Variants in C1orf87 observed in about 807,000 individuals in gnomAD.
C1orf87 encodes chromosome 1 open reading frame 87.
In C1orf87, 58 loss-of-function variants were observed where a neutral mutation model predicts 60.5. The observed-to-expected ratio is 0.96, with a 90% CI of 0.78 to 1.19. The LOEUF is 1.19. Ranked by LOEUF, C1orf87 falls within the 50% of genes most tolerant of loss-of-function variation. The pLI is 0.00. For missense variants in C1orf87, 673 were observed against 638.6 expected (o/e 1.05, Z -0.58); for synonymous variants, 236 against 227.4 (o/e 1.04, Z -0.34).
intron 2 of C1orf87, among the ~76,000 whole-genome samples, chr1:60,062,418 T>C (rs1167010563): frequency 6.6e-6 from 1 of 152,172 alleles, no homozygotes; most frequent in Non-Finnish European, 1.5e-5. Context: ...CCAAAGTACA[T>C]ATACTTTTAA....
intron 11 of C1orf87, among the ~76,000 whole-genome samples, chr1:59,994,917 C>T (rs986757740): frequency 1.3e-5 from 2 of 152,158 alleles, no homozygotes; most frequent in African/African-American, 4.8e-5. Context: ...GGTTAATAAA[C>T]CACCAAAGTG....
chr1:60,037,295 G>A (rs190437469), intron 6 of C1orf87, among the ~76,000 whole-genome samples: 1 of 152,198 alleles, frequency 6.6e-6, no homozygotes, highest in Non-Finnish European at 1.5e-5. Context: ...TGTGGGATTT[G>A]GTCACGAGGG....
chr1:60,007,626 G>A (rs189295597), intron 9 of C1orf87, among the ~76,000 whole-genome samples: 35 of 152,014 alleles, frequency 2.3e-4, no homozygotes, highest in African/African-American at 8.5e-4. Flanking sequence ...TGAATTCCAA[G>A]TAAGAGTCTT....
chr1:59,993,581 A>G (rs541306822), intron 11 of C1orf87, among the ~76,000 whole-genome samples: 1 of 152,216 alleles, frequency 6.6e-6, no homozygotes, highest in East Asian at 1.9e-4. Flanking sequence ...TACCATTGAT[A>G]GAAGATGCCT....
chr1:60,022,081 G>A (rs1388100658), intron 8 of C1orf87, among the ~76,000 whole-genome samples: 1 of 151,498 alleles, frequency 6.6e-6, no homozygotes, highest in African/African-American at 2.4e-5. Flanking sequence ...CCAAAGTGAT[G>A]GGGGAGCAAC....
At chr1:60,010,108 ATAC>A (rs754939018) in intron 9 of C1orf87, among the ~76,000 whole-genome samples, 7 of 151,956 alleles carry the variant, frequency 4.6e-5, no homozygotes, top group Admixed American at 6.6e-5. Flanking sequence ...CTGCTAAATA[ATAC>A]TAACTTCCAT....
intron 8 of C1orf87, among the ~76,000 whole-genome samples, chr1:60,018,412 G>A (rs1040280139): frequency 6.6e-6 from 1 of 152,210 alleles, no homozygotes; most frequent in African/African-American, 2.4e-5. Flanking sequence ...CAAAAACAGT[G>A]AGAAATTGAG....
Position 60,033,646 on chromosome 1 carries a change from T to A in C1orf87, c.864-5A>T. On this transcript the variant is annotated splice_polypyrimidine_tract_variant and splice_region_variant and intron_variant, in intron 6 of 11. Transcript: ENST00000371201. ...CTGGAGTGCTGAGGTGGAGTGCTGA[T>A]TGTAGGGGAAATGGGGAAGGCTATG... The A allele has an allele frequency of 1.2e-6, 2 of 1,609,038 alleles. No individual in the cohort carries two copies. The highest frequency in any genetic ancestry group is 1.7e-6 in the Non-Finnish European group (2 of 1,177,626).
intron 3 of C1orf87, among the ~76,000 whole-genome samples, chr1:60,051,009 G>A (rs989012532): frequency 1.3e-5 from 2 of 152,028 alleles, no homozygotes; most frequent in African/African-American, 4.8e-5. Flanking sequence ...ATCTAAGTTG[G>A]GACACTTATA....
Position 60,001,142 on chromosome 1 carries a change from T to C in C1orf87, c.1207A>G (p.Lys403Glu), listed in dbSNP as rs626251. The C allele has an allele frequency of 0.46, 730,696 of 1,572,722 alleles. 173,522 individuals carry two copies. The highest frequency in any genetic ancestry group is 0.63 in the East Asian group (27,608 of 43,526). ...GGCTCCATTGGAGGGGCAGGGGCTTTCTTTTCATTCTTCCCTGAACAAGAA... is the reference window on the plus strand; with the variant it reads ...GGCTCCATTGGAGGGGCAGGGGCTTCCTTTTCATTCTTCCCTGAACAAGAA... ...SDLPTGKNEK[K>E]APAPPMEPEV... The change falls in exon 10 of 12, where the codon AAA (lysine) becomes GAA (glutamate). Residue 403 changes from lysine to glutamate, a missense_variant. Coordinates refer to ENST00000371201, the MANE Select transcript of C1orf87 (RefSeq NM_152377.3).
intron 3 of C1orf87, 79 bp from the exon 4 acceptor site, chr1:60,041,210 G>T: frequency 7.8e-7 from 1 of 1,278,346 alleles, no homozygotes; most frequent in South Asian, 2.0e-5. Context: ...TGGAGAAAAT[G>T]AGTAAACCAA....
chr1:60,001,831 C>T (rs768168397), intron 9 of C1orf87, among the ~76,000 whole-genome samples: 2 of 152,236 alleles, frequency 1.3e-5, no homozygotes, highest in African/African-American at 4.8e-5. Context: ...GGTTGAACAG[C>T]CTCATCCCTA....
At chr1:60,045,202 A>T (rs1441856561) in intron 3 of C1orf87, among the ~76,000 whole-genome samples, 1 of 152,154 alleles carries the variant, frequency 6.6e-6, no homozygotes, top group Non-Finnish European at 1.5e-5. Context: ...ATTTAGACCA[A>T]GGTACTGGGG....
At chr1:60,014,725 T>TGTA (rs1645113532) in intron 8 of C1orf87, among the ~76,000 whole-genome samples, 1 of 152,172 alleles carries the variant, frequency 6.6e-6, no homozygotes, top group Admixed American at 6.6e-5. Context: ...CCTCCTGAAA[T>TGTA]GTATGTTCCA....
chr1:59,995,878 G>T (rs1644960176), intron 11 of C1orf87, among the ~76,000 whole-genome samples: 1 of 152,098 alleles, frequency 6.6e-6, no homozygotes, highest in Non-Finnish European at 1.5e-5. Flanking sequence ...TTGTTTACTG[G>T]CACTGAACTA....
In C1orf87 at chr1:59,996,809, G is replaced by A. The variant is rs184256379; in HGVS notation, c.1480+800C>T. Among the ~76,000 whole-genome samples the A allele has an allele frequency of 3.3e-5, 5 of 152,226 alleles. No individual in the cohort carries two copies. The East Asian group carries it at 7.7e-4, about 24-fold the overall frequency. On this transcript the variant is annotated intron_variant, in intron 11 of 11. Transcript: ENST00000371201. ...ATTTATCACCATCTATCTTGGATTT[G>A]GTTATTTACGCACACTGGCTCATGT...
At chr1:60,025,348 T>C (rs1645191618) in intron 8 of C1orf87, 53 bp downstream of exon 8, 1 of 1,369,452 alleles carries the variant, frequency 7.3e-7, no homozygotes, top group African/African-American at 1.4e-5. Context: ...CCATATCATT[T>C]GGGGAAGGGG....
intron 7 of C1orf87, among the ~76,000 whole-genome samples, chr1:60,026,369 T>C (rs1412382856): frequency 2.0e-5 from 3 of 152,152 alleles, no homozygotes; most frequent in South Asian, 2.1e-4. Context: ...TCTGTCAGGA[T>C]TGCATGATAA....
chr1:60,040,274 G>T, intron 4 of C1orf87, 94 bp from the exon 5 acceptor site: 1 of 1,473,124 alleles, frequency 6.8e-7, no homozygotes, highest in Non-Finnish European at 9.1e-7. Flanking sequence ...GCTGGTATCT[G>T]AGTGTCCACT....
Sources: gnomAD v4.1 joint callset for allele counts (sites outside exome capture counted in the v4.1 genomes callset) on GRCh38, gnomAD v4.1.1 for gene constraint, MANE v1.5 for transcripts, NCBI Gene and HGNC (gene_info 2026-07-23, HGNC 2026-07-21) for gene names.